Variants in ZNF664 observed in about 807,000 individuals in gnomAD.
ZNF664 encodes the protein zinc finger Organ of Corti 1.
A neutral mutation model predicts 18.2 loss-of-function variants in ZNF664; 10 were observed. That is an observed-to-expected ratio of 0.55 (90% CI 0.34 to 0.93). The LOEUF (loss-of-function observed/expected upper bound fraction) is 0.93, where lower values mean the gene tolerates loss of function less well. Among genes scored for constraint, ZNF664 ranks in the 40% least tolerant of loss-of-function variants. ZNF664 has a pLI of 0.02. For synonymous variants in ZNF664, 119 were observed against 104.2 expected, an observed-to-expected ratio of 1.14 and a Z score of -0.86; for missense variants, 193 against 319.0, an observed-to-expected ratio of 0.61 and a Z score of 3.01.
At chr12:124,011,156 A>T in intron 3 of ZNF664, 1 of 276,660 alleles carries the variant, frequency 3.6e-6, no homozygotes, top group Non-Finnish European at 5.5e-6. Flanking sequence ...CAAAGGCAGC[A>T]ATGTTGTACC....
chr12:124,007,490 C>T (rs1957086352), intron 3 of ZNF664, among the ~76,000 whole-genome samples: 1 of 150,562 alleles, frequency 6.6e-6, no homozygotes, highest in African/African-American at 2.5e-5. Flanking sequence ...CCTGCAGCCA[C>T]TGCCTTCGCC....
chr12:123,989,146 T>C (rs1566198995), intron 3 of ZNF664, among the ~76,000 whole-genome samples: 1 of 152,208 alleles, frequency 6.6e-6, no homozygotes, highest in Non-Finnish European at 1.5e-5. Context: ...GTCTAGTGAC[T>C]GTGCGTTGTT....
intron 3 of ZNF664, among the ~76,000 whole-genome samples, chr12:124,004,111 G>T (rs1414726497): frequency 6.6e-6 from 1 of 152,212 alleles, no homozygotes; most frequent in Non-Finnish European, 1.5e-5. Flanking sequence ...ACTGGAAGGG[G>T]AGGGAGCACC....
At chr12:123,996,832 G>A (rs1397323461) in intron 3 of ZNF664, among the ~76,000 whole-genome samples, 1 of 152,206 alleles carries the variant, frequency 6.6e-6, no homozygotes, top group Non-Finnish European at 1.5e-5. Flanking sequence ...ATGGACGGAA[G>A]TAGGCTGGGT....
At chr12:123,990,221 A>G (rs1376870994) in intron 3 of ZNF664, among the ~76,000 whole-genome samples, 1 of 152,228 alleles carries the variant, frequency 6.6e-6, no homozygotes. Flanking sequence ...CAGTGTGTAT[A>G]TATGTAACAC....
chr12:123,997,046 TGTAAA>T (rs532362164), intron 3 of ZNF664, among the ~76,000 whole-genome samples: 93 of 152,254 alleles, frequency 6.1e-4, no homozygotes, highest in Admixed American at 9.8e-4. Flanking sequence ...ATAAAACTCT[TGTAAA>T]GGAAAGGAAA....
chr12:124,005,482 AATGTGTGTGTGTGTGTGTGT>A, intron 3 of ZNF664, among the ~76,000 whole-genome samples: 1 of 91,952 alleles, frequency 1.1e-5, no homozygotes, highest in East Asian at 2.4e-4. Flanking sequence ...TAATTTATAG[AATGTGTGTGTGTGTGTGTGT>A]GTGTGTGTGT....
At chr12:123,979,765 A>G (rs975304593) in intron 2 of ZNF664, among the ~76,000 whole-genome samples, 8 of 152,098 alleles carry the variant, frequency 5.3e-5, no homozygotes, top group Non-Finnish European at 1.5e-5. Flanking sequence ...GTGTAGCCTC[A>G]GCCTCCTGGG....
Position 124,012,127 on chromosome 12 carries a change from C to T in ZNF664, c.-18C>T, listed in dbSNP as rs1242296018. On this transcript the variant is annotated 5_prime_UTR_variant, in exon 5 of 5. The change creates a new upstream start codon in the 5' untranslated region. Transcript: ENST00000337815. The stretch of plus-strand genomic sequence containing the variant: ...TAAGGAAATTTTCTCCTTGAAATCA[C>T]GATACCAAATAGGAAAAATGATCTA... 5.7e-6 allele frequency: 9 copies of T among 1,584,824 alleles called. No homozygotes were observed. The highest frequency in any genetic ancestry group is 1.7e-4 in the Middle Eastern group (1 of 5,904).
rs1458963386 is a variant in ZNF664 at position 124,012,011 on chromosome 12, AACTT to A, written c.-131_-128del. Reference sequence around the variant, plus strand: ...CAGGGAAAAGCTTAGGCTGACCTTAAACTTACCTAATAGAGCAAGCCTGAGATAG... The same window carrying A: ...CAGGGAAAAGCTTAGGCTGACCTTAAACCTAATAGAGCAAGCCTGAGATAG... On this transcript the variant is annotated 5_prime_UTR_variant, in exon 5 of 5. An upstream open reading frame in the 5' UTR gains an earlier in-frame stop. Coordinates refer to ENST00000337815, the MANE Select transcript of ZNF664 (RefSeq NM_152437.3). The A allele has an allele frequency of 4.1e-6, 6 of 1,446,792 alleles. No homozygotes were observed. The African/African-American group carries it at 7.2e-5, about 17-fold the overall frequency. 89.6% of individuals were successfully genotyped at this position (1,446,792 alleles called of 1,614,324 possible). A position where few individuals can be genotyped will look rare whatever the true frequency, so the allele number is the denominator to read the frequency against.
rs565615287 is a variant in ZNF664, at chr12:124,011,807, C to G, written c.-338C>G. The stretch of plus-strand genomic sequence containing the variant: ...CTACAAGAGGAAGATTCCAGGGGCT[C>G]AAAAACGCAAAGGTTTGCACTTTGA... On this transcript the variant is annotated 5_prime_UTR_variant, in exon 5 of 5. Transcript: ENST00000337815. 1 of 1,118,352 alleles carries G rather than the reference C, an allele frequency of 8.9e-7. No homozygotes were observed. Among genetic ancestry groups the G allele is most frequent in the Non-Finnish European group, 1.1e-6 (1 of 919,148 alleles). 69.3% of individuals were successfully genotyped at this position (1,118,352 alleles called of 1,614,324 possible).
At chr12:124,005,524 T>TGTGAGTGTGTGA (rs137963321) in intron 3 of ZNF664, among the ~76,000 whole-genome samples, 1 of 147,248 alleles carries the variant, frequency 6.8e-6, no homozygotes, top group Non-Finnish European at 1.5e-5. Context: ...TGTGTGTGTG[T>TGTGAGTGTGTGA]GAGAGATAGG....
intron 2 of ZNF664, among the ~76,000 whole-genome samples, chr12:123,985,297 G>A (rs1956811271): frequency 6.6e-6 from 1 of 152,158 alleles, no homozygotes; most frequent in Admixed American, 6.5e-5. Flanking sequence ...TAAGATCTAA[G>A]TTTCATGTAA....
intron 3 of ZNF664, among the ~76,000 whole-genome samples, chr12:124,003,084 TC>T (rs1957031785): frequency 6.6e-6 from 1 of 152,130 alleles, no homozygotes; most frequent in Non-Finnish European, 1.5e-5. Context: ...AAACATGTTT[TC>T]AGTGGCATGT....
chr12:123,998,093 T>C (rs1454822012), intron 3 of ZNF664, among the ~76,000 whole-genome samples: 1 of 152,136 alleles, frequency 6.6e-6, no homozygotes, highest in African/African-American at 2.4e-5. Context: ...AAGTTCCTCC[T>C]AGAAGTGCAG....
intron 2 of ZNF664, among the ~76,000 whole-genome samples, chr12:123,982,824 C>T (rs545451853): frequency 1.3e-5 from 2 of 152,260 alleles, no homozygotes; most frequent in South Asian, 4.1e-4. Context: ...AGGAGTGAAT[C>T]TTAGATTTAG....
chr12:123,983,772 C>G (rs1466393486), intron 2 of ZNF664, among the ~76,000 whole-genome samples: 4 of 152,182 alleles, frequency 2.6e-5, no homozygotes, highest in Non-Finnish European at 5.9e-5. Context: ...ATTCAAAGTA[C>G]TCGGTGTTGG....
intron 3 of ZNF664, chr12:124,006,289 T>TC (rs1957072760): frequency 6.6e-6 from 1 of 152,228 alleles, no homozygotes. Flanking sequence ...TCCTGCAGCC[T>TC]CGGCCCTATG....
chr12:123,993,594 G>C (rs1956912643), intron 3 of ZNF664, among the ~76,000 whole-genome samples: 1 of 152,190 alleles, frequency 6.6e-6, no homozygotes, highest in African/African-American at 2.4e-5. Context: ...CATCTGCTGT[G>C]TTCCCATATA....
Sources: allele counts gnomAD v4.1 joint callset (sites outside exome capture counted in the v4.1 genomes callset), GRCh38; gene constraint gnomAD v4.1.1; transcripts MANE v1.5; gene names NCBI Gene and HGNC (gene_info 2026-07-23, HGNC 2026-07-21).